MTUS2: variants seen among roughly 807,000 people sequenced by gnomAD.
MTUS2 encodes the protein microtubule associated scaffold protein 2.
Under a neutral mutation model 114.1 loss-of-function variants are expected in MTUS2, and 40 were observed. That is an observed-to-expected ratio of 0.35 (90% CI 0.27 to 0.46). The LOEUF (loss-of-function observed/expected upper bound fraction) is 0.46. MTUS2 is among the 20% of genes least tolerant of loss of function. The pLI is 1.00. For synonymous variants in MTUS2, 688 were observed against 672.0 expected (o/e 1.02, Z -0.37); for missense variants, 1,679 against 1,705.4 (o/e 0.98, Z 0.27).
chr13:29,140,009 C>T (rs910948048), intron 5 of MTUS2, among the ~76,000 whole-genome samples: 5 of 152,164 alleles, frequency 3.3e-5, no homozygotes, highest in African/African-American at 1.2e-4. Context: ...TGTCTTCAGT[C>T]GTGGTTGTCA....
At chr13:29,375,563 AT>A (rs1566163343) in intron 8 of MTUS2, among the ~76,000 whole-genome samples, 1 of 4,540 alleles carries the variant, frequency 2.2e-4, no homozygotes, top group Non-Finnish European at 6.5e-4. Context: ...ATATACGTAT[AT>A]ATATATATAC....
intron 6 of MTUS2, among the ~76,000 whole-genome samples, chr13:29,282,091 A>G (rs1286468365): frequency 6.6e-6 from 1 of 152,224 alleles, no homozygotes; most frequent in Non-Finnish European, 1.5e-5. Context: ...TTTGAATCAC[A>G]CAGTTTCCGT....
chr13:29,117,448 C>T (rs7995588), intron 5 of MTUS2, among the ~76,000 whole-genome samples: 47,178 of 152,024 alleles, frequency 0.31, 7,690 homozygotes, highest in East Asian at 0.57. Context: ...TAAGTATTAG[C>T]AGATGCTGGT....
intron 2 of MTUS2, among the ~76,000 whole-genome samples, chr13:28,888,542 C>T (rs764250266): frequency 6.6e-6 from 1 of 152,004 alleles, no homozygotes; most frequent in Non-Finnish European, 1.5e-5. Context: ...CTGCCTCAGC[C>T]TCCTGAGTAG....
intron 2 of MTUS2, among the ~76,000 whole-genome samples, chr13:28,963,924 C>T (rs1593338665): frequency 1.3e-5 from 2 of 152,272 alleles, no homozygotes; most frequent in South Asian, 4.1e-4. Context: ...TTCCCAGTCT[C>T]CCCCCAGCCT....
At chr13:28,893,342 C>T (rs958398626) in intron 2 of MTUS2, among the ~76,000 whole-genome samples, 6 of 152,102 alleles carry the variant, frequency 3.9e-5, no homozygotes, top group Non-Finnish European at 7.4e-5. Context: ...GGTGCTTTGA[C>T]GAGATCATTA....
intron 1 of MTUS2, among the ~76,000 whole-genome samples, chr13:28,835,712 T>C (rs531209531): frequency 6.6e-6 from 1 of 152,310 alleles, no homozygotes; most frequent in South Asian, 2.1e-4. Context: ...TTCTGAGAGT[T>C]TTAGTTCCCC....
intron 5 of MTUS2, among the ~76,000 whole-genome samples, chr13:29,231,134 G>T (rs1406219676): frequency 6.6e-6 from 1 of 152,044 alleles, no homozygotes; most frequent in Non-Finnish European, 1.5e-5. Flanking sequence ...TAAGGTTTTA[G>T]TACAAAGAAT....
chr13:29,034,998 G>T (rs566631305), intron 4 of MTUS2, among the ~76,000 whole-genome samples: 3 of 152,238 alleles, frequency 2.0e-5, no homozygotes, highest in African/African-American at 7.2e-5. Flanking sequence ...AGTTTGTTTT[G>T]CAACAGTCAA....
intron 8 of MTUS2, among the ~76,000 whole-genome samples, chr13:29,385,970 G>T (rs1012288973): frequency 7.2e-5 from 11 of 152,124 alleles, no homozygotes; most frequent in Non-Finnish European, 1.2e-4. Flanking sequence ...AATAGCACAG[G>T]GGCCCTCAGC....
intron 2 of MTUS2, among the ~76,000 whole-genome samples, chr13:28,940,285 T>C (rs1288369239): frequency 6.6e-6 from 1 of 152,110 alleles, no homozygotes; most frequent in Non-Finnish European, 1.5e-5. Flanking sequence ...TTATTAGCTA[T>C]AAAAAGGAAT....
chr13:29,292,985 T>C (rs1898780173), intron 6 of MTUS2, among the ~76,000 whole-genome samples: 2 of 152,230 alleles, frequency 1.3e-5, no homozygotes, highest in South Asian at 4.1e-4. Flanking sequence ...AGCAACATAA[T>C]TGACAATTAC....
chr13:29,456,647 G>A (rs8003005), intron 9 of MTUS2, among the ~76,000 whole-genome samples: 9,682 of 152,196 alleles, frequency 0.064, 345 homozygotes, highest in African/African-American at 0.087. Context: ...GAACAAGGAT[G>A]TAAATGACAG....
At chr13:29,234,707 C>T (rs1235006809) in intron 5 of MTUS2, among the ~76,000 whole-genome samples, 1 of 89,162 alleles carries the variant, frequency 1.1e-5, no homozygotes, top group African/African-American at 4.9e-5. Context: ...CTGTTTCCCA[C>T]TATGTAATAG....
At chr13:29,366,880 C>G (rs1192546566) in intron 8 of MTUS2, among the ~76,000 whole-genome samples, 2 of 152,060 alleles carry the variant, frequency 1.3e-5, no homozygotes, top group African/African-American at 2.4e-5. Flanking sequence ...GGAGTACCTT[C>G]TTATGTGGGC....
At chr13:29,363,418 A>G (rs948223007) in intron 8 of MTUS2, among the ~76,000 whole-genome samples, 5 of 152,196 alleles carry the variant, frequency 3.3e-5, no homozygotes, top group African/African-American at 1.2e-4. Context: ...GTTTAGGCAT[A>G]AAAGACCTCA....
intron 2 of MTUS2, among the ~76,000 whole-genome samples, chr13:28,956,135 A>G (rs1391893420): frequency 7.1e-6 from 1 of 141,844 alleles, no homozygotes; most frequent in Non-Finnish European, 1.5e-5. Flanking sequence ...CTTAGCTCCC[A>G]CATACCAGTG....
intron 5 of MTUS2, among the ~76,000 whole-genome samples, chr13:29,223,465 C>T (rs1418490669): frequency 6.6e-6 from 1 of 151,888 alleles, no homozygotes; most frequent in Non-Finnish European, 1.5e-5. Context: ...TGCCCGTGGA[C>T]ATGAGCTACT....
chr13:29,251,259 C>G (rs1328946475), intron 5 of MTUS2, among the ~76,000 whole-genome samples: 1 of 149,428 alleles, frequency 6.7e-6, no homozygotes, highest in East Asian at 2.0e-4. Flanking sequence ...TATCACTCAG[C>G]CTTGGCTTTC....
Sources: gnomAD v4.1 joint callset for allele counts (sites outside exome capture counted in the v4.1 genomes callset) on GRCh38, gnomAD v4.1.1 for gene constraint, MANE v1.5 for transcripts, NCBI Gene and HGNC (gene_info 2026-07-23, HGNC 2026-07-21) for gene names.